Variants in APBA1 observed in about 807,000 individuals in gnomAD.
APBA1 encodes the protein amyloid beta precursor protein binding family A member 1, also known as amyloid-beta A4 precursor protein-binding family A member 1.
In APBA1, 55 loss-of-function variants were observed where a neutral mutation model predicts 86.6. The observed-to-expected ratio is 0.64, with a 90% CI of 0.51 to 0.80. The LOEUF (loss-of-function observed/expected upper bound fraction) is 0.80. Ranked by LOEUF, APBA1 falls within the 30% of genes least tolerant of loss-of-function variation. The pLI, the probability that APBA1 is intolerant of heterozygous loss-of-function variation, is 0.00. For synonymous variants in APBA1, 511 were observed against 493.9 expected (o/e 1.03, Z -0.46); for missense variants, 1,090 against 1,183.0 (o/e 0.92, Z 1.15).
chr9:69,492,635 C>T (rs1291643060), intron 2 of APBA1, among the ~76,000 whole-genome samples: 2 of 152,100 alleles, frequency 1.3e-5, no homozygotes, highest in Non-Finnish European at 2.9e-5. Context: ...TGTCCACTAT[C>T]TCCCGACCAA....
At chr9:69,499,288 G>A (rs928164462) in intron 2 of APBA1, among the ~76,000 whole-genome samples, 3 of 151,960 alleles carry the variant, frequency 2.0e-5, no homozygotes, top group Non-Finnish European at 4.4e-5. Context: ...CCTTCCCTAG[G>A]AATACATCAC....
intron 2 of APBA1, among the ~76,000 whole-genome samples, chr9:69,486,898 G>A (rs1376315636): frequency 6.7e-6 from 1 of 149,410 alleles, no homozygotes; most frequent in Non-Finnish European, 1.5e-5. Flanking sequence ...GTGAGTCACT[G>A]GCCTGCTCCC....
At chr9:69,669,171 G>A (rs1823897271) in intron 1 of APBA1, among the ~76,000 whole-genome samples, 1 of 152,088 alleles carries the variant, frequency 6.6e-6, no homozygotes, top group Non-Finnish European at 1.5e-5. Context: ...ATTAATTATT[G>A]TAACCCAGAG....
chr9:69,455,407 G>A (rs1029562681), intron 8 of APBA1, among the ~76,000 whole-genome samples: 10 of 152,140 alleles, frequency 6.6e-5, no homozygotes, highest in Non-Finnish European at 1.3e-4. Flanking sequence ...AGGTAGGGGA[G>A]CACCTGGGAG....
intron 11 of APBA1, among the ~76,000 whole-genome samples, chr9:69,437,260 C>A (rs371673768): frequency 0.081 from 12,210 of 151,036 alleles, 690 homozygotes; most frequent in African/African-American, 0.094. Flanking sequence ...TGTCTCTGCC[C>A]GGCTTTGGTA....
rs1564083170 is a variant in APBA1, at chr9:69,581,472, T to A, written c.-69-64193A>T. Among the ~76,000 whole-genome samples, 4 of 152,310 alleles carry A rather than the reference T, an allele frequency of 2.6e-5. No homozygotes were observed. The South Asian group carries it at 8.3e-4, about 32-fold the overall frequency. On this transcript the variant is annotated intron_variant, in intron 1 of 12. Coordinates refer to ENST00000265381, the MANE Select transcript of APBA1 (RefSeq NM_001163.4). ...TATTTTGTGAGGGAAATATACTGCC[T>A]TCAGGTGTGTTTGCGGGGGCAGAGA...
chr9:69,632,404 G>A (rs528691914), intron 1 of APBA1, among the ~76,000 whole-genome samples: 2 of 152,264 alleles, frequency 1.3e-5, no homozygotes, highest in South Asian at 4.2e-4. Flanking sequence ...GGGTAGGAGT[G>A]TATTCCTACA....
At chr9:69,475,031 C>T (rs1366371407) in intron 3 of APBA1, among the ~76,000 whole-genome samples, 1 of 152,122 alleles carries the variant, frequency 6.6e-6, no homozygotes, top group African/African-American at 2.4e-5. Flanking sequence ...GTGAGCTGAG[C>T]CCACACACAG....
chr9:69,614,858 T>C (rs996075005), intron 1 of APBA1, among the ~76,000 whole-genome samples: 2 of 152,178 alleles, frequency 1.3e-5, no homozygotes, highest in South Asian at 2.1e-4. Context: ...ATTTGAAATA[T>C]TGTTAGTTCT....
At chr9:69,472,704 T>C (rs551368808) in intron 3 of APBA1, 1 of 152,332 alleles carries the variant, frequency 6.6e-6, no homozygotes, top group African/African-American at 2.4e-5. Flanking sequence ...AGCTGTTGGA[T>C]AGGCTGACCT....
At chr9:69,586,488 T>G (rs1199743156) in intron 1 of APBA1, among the ~76,000 whole-genome samples, 6 of 152,184 alleles carry the variant, frequency 3.9e-5, no homozygotes, top group Admixed American at 3.9e-4. Context: ...AGCCCATACC[T>G]GAGCTGAAAT....
At chr9:69,512,453 G>GT (rs925058208) in intron 2 of APBA1, among the ~76,000 whole-genome samples, 4 of 152,064 alleles carry the variant, frequency 2.6e-5, no homozygotes, top group Non-Finnish European at 5.9e-5. Context: ...GGCAATACAG[G>GT]TTTTTTTGTC....
At chr9:69,630,871 C>G (rs1157515530) in intron 1 of APBA1, among the ~76,000 whole-genome samples, 1 of 152,116 alleles carries the variant, frequency 6.6e-6, no homozygotes, top group East Asian at 1.9e-4. Context: ...GGCCTTGGCC[C>G]AGGGCAAATC....
At chr9:69,628,311 T>TG (rs1351179842) in intron 1 of APBA1, among the ~76,000 whole-genome samples, 1 of 152,216 alleles carries the variant, frequency 6.6e-6, no homozygotes, top group Non-Finnish European at 1.5e-5. Context: ...GACCCTGACC[T>TG]GTGCCCAGAC....
Position 69,555,662 on chromosome 9 carries a change from A to G in APBA1, c.-69-38383T>C, listed in dbSNP as rs575771989. Among the ~76,000 whole-genome samples the G allele has an allele frequency of 1.3e-3, 193 of 152,366 alleles. 1 individual carries two copies. The highest frequency in any genetic ancestry group is 9.4e-4 in the Non-Finnish European group (64 of 68,024). On this transcript the variant is annotated intron_variant, in intron 1 of 12. Coordinates refer to ENST00000265381, the MANE Select transcript of APBA1 (RefSeq NM_001163.4). The stretch of plus-strand genomic sequence containing the variant: ...TCAACTTAACAAGATTCATCAAAAT[A>G]TTTAATGCCTTTTTAAAATTAAAAT...
At chr9:69,558,522 TTA>T (rs1213083461) in intron 1 of APBA1, among the ~76,000 whole-genome samples, 1 of 97,048 alleles carries the variant, frequency 1.0e-5, no homozygotes, top group African/African-American at 3.1e-5. Context: ...CTATCTTAAA[TTA>T]TATATATATA....
intron 1 of APBA1, among the ~76,000 whole-genome samples, chr9:69,518,448 T>A (rs1213203920): frequency 2.0e-5 from 3 of 152,180 alleles, no homozygotes; most frequent in African/African-American, 4.8e-5. Flanking sequence ...TGTAATTTTT[T>A]AAAAATATGG....
At chr9:69,640,393 G>A (rs1823263336) in intron 1 of APBA1, among the ~76,000 whole-genome samples, 1 of 152,026 alleles carries the variant, frequency 6.6e-6, no homozygotes, top group East Asian at 1.9e-4. Flanking sequence ...CTTGGGAGAA[G>A]TTTAGAATTG....
At chr9:69,647,459 C>G (rs1823414106) in intron 1 of APBA1, among the ~76,000 whole-genome samples, 1 of 152,192 alleles carries the variant, frequency 6.6e-6, no homozygotes, top group African/African-American at 2.4e-5. Context: ...TGCAAAGTAG[C>G]TGGATACAGC....
Sources: allele counts gnomAD v4.1 joint callset (sites outside exome capture counted in the v4.1 genomes callset), GRCh38; gene constraint gnomAD v4.1.1; transcripts MANE v1.5; gene names NCBI Gene and HGNC (gene_info 2026-07-23, HGNC 2026-07-21).